RPRD2: variants seen among roughly 807,000 people sequenced by gnomAD.
RPRD2 encodes the protein regulation of nuclear pre-mRNA domain containing 2.
RPRD2 carries 12 observed loss-of-function variants against 104.4 expected under a neutral mutation model. The ratio of observed to expected loss-of-function variants is 0.11; its 90% CI spans 0.07 to 0.19. RPRD2 has a LOEUF of 0.19. RPRD2 is among the 10% of genes least tolerant of loss of function. The pLI is 1.00. For missense variants in RPRD2, 1,543 were observed against 1,790.1 expected (o/e 0.86, Z 2.49); for synonymous variants, 714 against 684.9 (o/e 1.04, Z -0.66).
intron 1 of RPRD2, among the ~76,000 whole-genome samples, chr1:150,406,800 C>A (rs587709972): frequency 6.6e-6 from 1 of 152,108 alleles, no homozygotes; most frequent in African/African-American, 2.4e-5. Context: ...TTGCAACCTC[C>A]GTCTGCTGGG....
chr1:150,461,572 C>T (rs1200031970), intron 9 of RPRD2, among the ~76,000 whole-genome samples: 3 of 151,994 alleles, frequency 2.0e-5, no homozygotes, highest in Non-Finnish European at 4.4e-5. Context: ...TACTATAGGG[C>T]CAGGTGTGGT....
chr1:150,445,940 C>T (rs1343037593), intron 6 of RPRD2, among the ~76,000 whole-genome samples: 5 of 152,006 alleles, frequency 3.3e-5, no homozygotes, highest in African/African-American at 9.7e-5. Flanking sequence ...TGGTGGCAGG[C>T]GCCTGTAGTC....
chr1:150,405,851 A>G (rs995333189), intron 1 of RPRD2, among the ~76,000 whole-genome samples: 1 of 152,116 alleles, frequency 6.6e-6, no homozygotes, highest in African/African-American at 2.4e-5. Flanking sequence ...CTTCCCACCC[A>G]TTAGTGCCCC....
At chr1:150,409,697 G>A (rs149343697) in intron 1 of RPRD2, among the ~76,000 whole-genome samples, 2 of 135,792 alleles carry the variant, frequency 1.5e-5, no homozygotes, top group African/African-American at 5.5e-5. Flanking sequence ...CACCCAGGCT[G>A]AAGTGCAGTG....
rs587652820 is a variant in RPRD2, at chr1:150,383,201, C to T, written c.205+18282C>T. Among the ~76,000 whole-genome samples the T allele has an allele frequency of 7.9e-5, 12 of 151,936 alleles. 1 individual carries two copies. The South Asian group carries it at 2.5e-3, about 32-fold the overall frequency. ...GTAGAGATGATGTCTTGCTATGTTG[C>T]CCAGGCTGGTCTCGAACTCCTGGAC... On this transcript the variant is annotated intron_variant, in intron 1 of 10. Coordinates refer to ENST00000369068, the MANE Select transcript of RPRD2 (RefSeq NM_015203.5).
Position 150,464,539 on chromosome 1 carries a change from C to A in RPRD2, c.1424C>A (p.Ala475Glu). 6.2e-7 allele frequency: 1 copy of A among 1,600,130 alleles called. No homozygotes were observed. The highest frequency in any genetic ancestry group is 8.5e-7 in the Non-Finnish European group (1 of 1,173,328). ...SVMKNTGVSPASRPSPGTPTS... is the reference protein window; with the variant it reads ...SVMKNTGVSPESRPSPGTPTS... The stretch of plus-strand genomic sequence containing the variant: ...TTTCTGCCACCAGGGGTCAGTCCTG[C>A]ATCAAGACCTTCTCCAGGAACGCCC... The change falls in exon 10 of 11, where the codon GCA (alanine) becomes GAA (glutamate). Residue 475 changes from alanine (A) to glutamate (E), a missense_variant. Around this residue, in one of 4 missense-constraint regions of RPRD2, gnomAD observed 572 missense variants for 787.3 expected, o/e 0.73. Transcript: ENST00000369068.
intron 1 of RPRD2, among the ~76,000 whole-genome samples, chr1:150,402,872 G>T (rs1220790927): frequency 2.0e-5 from 3 of 152,102 alleles, no homozygotes; most frequent in African/African-American, 7.2e-5. Flanking sequence ...GGAGGCTGAG[G>T]CAGGAGAATT....
At chr1:150,454,288 CTTAA>C (rs1667375317) in intron 7 of RPRD2, among the ~76,000 whole-genome samples, 1 of 151,974 alleles carries the variant, frequency 6.6e-6, no homozygotes, top group East Asian at 1.9e-4. Flanking sequence ...TCCTTTTTGC[CTTAA>C]TTCTCAGCTT....
rs1553895158 is a variant in RPRD2 at position 150,444,333 on chromosome 1, T to C, written c.650T>C (p.Met217Thr). The change falls in exon 6 of 11, where the codon ATG (methionine) becomes ACG (threonine). Residue 217 changes from methionine to threonine, a missense_variant. By Grantham distance (81) the Met-to-Thr change is moderately conservative (BLOSUM62 -1). Coordinates refer to ENST00000369068, the MANE Select transcript of RPRD2 (RefSeq NM_015203.5). ...IELKEKQLST[M>T]RVDVCSTETL... Reference sequence around the variant, plus strand: ...CTGAAGGAAAAGCAGTTGTCAACTATGAGGGTGGATGTGTGCAGCACAGAA... The same window carrying C: ...CTGAAGGAAAAGCAGTTGTCAACTACGAGGGTGGATGTGTGCAGCACAGAA... 4 of 1,613,802 alleles carry C rather than the reference T, an allele frequency of 2.5e-6. No homozygotes were observed. In the African/African-American group the frequency reaches 5.3e-5, roughly 22 times the overall value.
intron 8 of RPRD2, among the ~76,000 whole-genome samples, chr1:150,459,318 C>A (rs2102409416): frequency 6.6e-6 from 1 of 152,170 alleles, no homozygotes; most frequent in East Asian, 1.9e-4. Context: ...GATTGCACCC[C>A]CCAATAGGGC....
At chr1:150,422,308 C>T (rs2102291756) in intron 2 of RPRD2, among the ~76,000 whole-genome samples, 1 of 143,730 alleles carries the variant, frequency 7.0e-6, no homozygotes, top group African/African-American at 2.5e-5. Context: ...CATGCCACTA[C>T]AGCCTGGGTG....
intron 6 of RPRD2, among the ~76,000 whole-genome samples, chr1:150,445,788 GC>G (rs1406797592): frequency 2.0e-5 from 3 of 152,126 alleles, no homozygotes; most frequent in Admixed American, 2.0e-4. Context: ...AAATTGTGAG[GC>G]CGGGCACGGT....
chr1:150,383,518 T>C (rs1553881217), intron 1 of RPRD2, among the ~76,000 whole-genome samples: 1 of 151,976 alleles, frequency 6.6e-6, no homozygotes, highest in Non-Finnish European at 1.5e-5. Context: ...GGTTTTGCCG[T>C]GTTGGTCAGG....
At chr1:150,379,234 G>C (rs1451001762) in intron 1 of RPRD2, among the ~76,000 whole-genome samples, 3 of 150,974 alleles carry the variant, frequency 2.0e-5, no homozygotes, top group Non-Finnish European at 4.4e-5. Flanking sequence ...AGTGAGCCCA[G>C]ATCACGCCGT....
At chr1:150,415,528 CA>C (rs35838623) in intron 1 of RPRD2, among the ~76,000 whole-genome samples, 33,410 of 150,194 alleles carry the variant, frequency 0.22, 4,158 homozygotes, top group African/African-American at 0.32. Context: ...ACTAAAAATA[CA>C]AAAAAAAATT....
In RPRD2 at chr1:150,442,552, G is replaced by T. The variant is rs782046963; in HGVS notation, c.514+594G>T. On this transcript the variant is annotated intron_variant, in intron 4 of 10. Transcript: ENST00000369068. The stretch of plus-strand genomic sequence containing the variant: ...GAGGAATATTGAGAGAGACTTGAAG[G>T]TGTGGAGGGAACAAAGTAAAAGACA... 3.3e-5 allele frequency among the ~76,000 whole-genome samples: 5 copies of T among 152,260 alleles called. No individual in the cohort carries two copies. The Middle Eastern group carries it at 0.01, about 311-fold the overall frequency.
intron 2 of RPRD2, among the ~76,000 whole-genome samples, chr1:150,432,158 A>T (rs889657242): frequency 1.3e-5 from 2 of 149,026 alleles, no homozygotes; most frequent in Non-Finnish European, 3.0e-5. Flanking sequence ...TGGGTGATGG[A>T]ACAAGACCCT....
chr1:150,374,251 C>T (rs1374258255), intron 1 of RPRD2, among the ~76,000 whole-genome samples: 2 of 152,180 alleles, frequency 1.3e-5, no homozygotes, highest in Admixed American at 1.3e-4. Flanking sequence ...TGGGAAGCTT[C>T]TAGACAGCAA....
At chr1:150,445,538 CA>C (rs1553895345) in intron 6 of RPRD2, among the ~76,000 whole-genome samples, 1 of 152,174 alleles carries the variant, frequency 6.6e-6, no homozygotes, top group African/African-American at 2.4e-5. Flanking sequence ...TTCTGTAATG[CA>C]AAAGTTATGG....
Sources: gnomAD v4.1 joint callset for allele counts (sites outside exome capture counted in the v4.1 genomes callset) on GRCh38, gnomAD v4.1.1 for gene constraint, gnomAD v4.1.1 regional missense constraint, MANE v1.5 for transcripts, NCBI Gene and HGNC (gene_info 2026-07-23, HGNC 2026-07-21) for gene names.